MTUS2: variants seen among roughly 807,000 people sequenced by gnomAD.
MTUS2 encodes the protein microtubule associated scaffold protein 2.
Under a neutral mutation model 114.1 loss-of-function variants are expected in MTUS2, and 40 were observed. The observed-to-expected ratio is 0.35, with a 90% CI of 0.27 to 0.46. MTUS2 has a LOEUF of 0.46. Ranked by LOEUF, MTUS2 falls within the 20% of genes least tolerant of loss-of-function variation. MTUS2 has a pLI of 1.00. For synonymous variants in MTUS2, 688 were observed against 672.0 expected (o/e 1.02, Z -0.37); for missense variants, 1,679 against 1,705.4 (o/e 0.98, Z 0.27).
chr13:29,086,999 C>T (rs1343271130), intron 4 of MTUS2, among the ~76,000 whole-genome samples: 1 of 152,130 alleles, frequency 6.6e-6, no homozygotes, highest in Non-Finnish European at 1.5e-5. Context: ...TAGGAGCCTT[C>T]TGAAGGAGTC....
rs1336623578 is a variant in MTUS2, at chr13:29,365,121, G to A, written c.3117+5648G>A. On this transcript the variant is annotated intron_variant, in intron 8 of 15. Coordinates refer to ENST00000612955, the MANE Select transcript of MTUS2 (RefSeq NM_001033602.4). ...GTGCTTTGATAAAAGAACCATGAGC[G>A]TCTGTATGCTTTTACTCATAGGACT... Among the ~76,000 whole-genome samples the A allele has an allele frequency of 4.6e-5, 7 of 152,280 alleles. No homozygotes were observed. In the East Asian group the frequency reaches 1.4e-3, roughly 29 times the overall value.
At chr13:29,460,912 T>C (rs1282692092) in intron 9 of MTUS2, among the ~76,000 whole-genome samples, 2 of 151,380 alleles carry the variant, frequency 1.3e-5, no homozygotes, top group African/African-American at 4.9e-5. Context: ...AAAAAAAAAA[T>C]TGGCAAAAGC....
At position 29,217,827 on chromosome 13, in the gene MTUS2, A is replaced by G. The variant is rs556176410; in HGVS notation, c.2645-63877A>G. Among the ~76,000 whole-genome samples, 14 of 152,308 alleles carry G rather than the reference A, an allele frequency of 9.2e-5. 1 individual carries two copies. The East Asian group carries it at 9.6e-4, about 10-fold the overall frequency. Reference sequence around the variant, plus strand: ...TAAATTCTTTTTTGTCATTTCAACAATGTTCACAGGCCAGGTGTCCTGGCT... The same window carrying G: ...TAAATTCTTTTTTGTCATTTCAACAGTGTTCACAGGCCAGGTGTCCTGGCT... On this transcript the variant is annotated intron_variant, in intron 5 of 15. Coordinates refer to ENST00000612955, the MANE Select transcript of MTUS2 (RefSeq NM_001033602.4).
At chr13:29,327,534 A>C (rs1900576975) in intron 7 of MTUS2, among the ~76,000 whole-genome samples, 1 of 152,224 alleles carries the variant, frequency 6.6e-6, no homozygotes. Flanking sequence ...CTTTCAACAT[A>C]ATTTAGATTC....
intron 5 of MTUS2, among the ~76,000 whole-genome samples, chr13:29,253,718 T>C (rs1897203890): frequency 6.6e-6 from 1 of 152,076 alleles, no homozygotes; most frequent in South Asian, 2.1e-4. Flanking sequence ...GGATAATTTA[T>C]AAAGAAAAAG....
chr13:29,258,672 A>G (rs1897361218), intron 5 of MTUS2, among the ~76,000 whole-genome samples: 1 of 152,230 alleles, frequency 6.6e-6, no homozygotes, highest in Non-Finnish European at 1.5e-5. Context: ...CTGCTGCCTA[A>G]CTTACCAGAA....
At chr13:28,991,161 A>G (rs1239910963) in intron 2 of MTUS2, among the ~76,000 whole-genome samples, 1 of 152,210 alleles carries the variant, frequency 6.6e-6, no homozygotes, top group African/African-American at 2.4e-5. Flanking sequence ...TAGACTTTTA[A>G]GAATTTTTGC....
chr13:29,284,519 A>G (rs1236396395), intron 6 of MTUS2, among the ~76,000 whole-genome samples: 1 of 152,232 alleles, frequency 6.6e-6, no homozygotes, highest in African/African-American at 2.4e-5. Context: ...AATTACATAG[A>G]CATTTTACAC....
rs1176345677 is a variant in MTUS2, at chr13:29,338,926, G to T, written c.2905+14215G>T. On this transcript the variant is annotated intron_variant, in intron 7 of 15. Coordinates refer to ENST00000612955, the MANE Select transcript of MTUS2 (RefSeq NM_001033602.4). ...CAGTGTGGGCTCTGCAGGCTAAGGA[G>T]AGGCGGGGCTGAGGCTTGCAGAATG... Among the ~76,000 whole-genome samples, 3 of 152,168 alleles carry T rather than the reference G, an allele frequency of 2.0e-5. No homozygotes were observed. The East Asian group carries it at 5.8e-4, about 29-fold the overall frequency.
At chr13:29,361,043 G>T (rs1174425329) in intron 8 of MTUS2, among the ~76,000 whole-genome samples, 1 of 152,154 alleles carries the variant, frequency 6.6e-6, no homozygotes, top group Non-Finnish European at 1.5e-5. Context: ...CCCACTTTTG[G>T]GATCATGGCA....
intron 11 of MTUS2, among the ~76,000 whole-genome samples, chr13:29,492,130 GAT>G (rs1162473169): frequency 8.9e-6 from 1 of 112,044 alleles, no homozygotes; most frequent in Non-Finnish European, 1.8e-5. Flanking sequence ...GTGTGTATGT[GAT>G]GTGTGTGGTA....
intron 2 of MTUS2, among the ~76,000 whole-genome samples, chr13:28,995,013 T>TCTA (rs1885031545): frequency 6.6e-6 from 1 of 152,206 alleles, no homozygotes; most frequent in Non-Finnish European, 1.5e-5. Context: ...TAGGTTTTCT[T>TCTA]CTAGGGTTTT....
At chr13:28,895,708 A>G (rs966344655) in intron 2 of MTUS2, among the ~76,000 whole-genome samples, 2 of 152,254 alleles carry the variant, frequency 1.3e-5, no homozygotes, top group Non-Finnish European at 2.9e-5. Flanking sequence ...CACCAGTGCC[A>G]TGGAAACTGC....
chr13:29,335,320 A>C (rs1166953513), intron 7 of MTUS2, among the ~76,000 whole-genome samples: 1 of 152,192 alleles, frequency 6.6e-6, no homozygotes, highest in African/African-American at 2.4e-5. Flanking sequence ...CTGCCTAATA[A>C]ATTTTGGTCA....
intron 5 of MTUS2, among the ~76,000 whole-genome samples, chr13:29,103,435 A>G (rs1890510827): frequency 6.6e-6 from 1 of 152,260 alleles, no homozygotes; most frequent in South Asian, 2.1e-4. Flanking sequence ...ATGTAACAAT[A>G]TCTAAACATA....
At chr13:29,500,477 G>A (rs140660153) in intron 14 of MTUS2, among the ~76,000 whole-genome samples, 33 of 152,322 alleles carry the variant, frequency 2.2e-4, no homozygotes, top group East Asian at 3.9e-4. Context: ...ATCAATTGCC[G>A]GGGAGTAACA....
intron 5 of MTUS2, among the ~76,000 whole-genome samples, chr13:29,235,960 G>C (rs1168897790): frequency 2.6e-5 from 4 of 152,070 alleles, no homozygotes; most frequent in Non-Finnish European, 5.9e-5. Flanking sequence ...TTTCACTCAA[G>C]TTTTCTAATC....
In MTUS2 at chr13:29,364,215, A is replaced by G. The variant is rs139124794; in HGVS notation, c.3117+4742A>G. ...AAGCTGTTGCCATAAAAAAAATACT[A>G]TGTGCTCAAGTGGAAGCCTCATCCT... is the stretch of plus-strand genomic sequence containing the variant. On this transcript the variant is annotated intron_variant, in intron 8 of 15. Coordinates refer to ENST00000612955, the MANE Select transcript of MTUS2 (RefSeq NM_001033602.4). 5.4e-3 allele frequency among the ~76,000 whole-genome samples: 821 copies of G among 152,312 alleles called. 4 individuals are homozygous for G. The highest frequency in any genetic ancestry group is 0.014 in the African/African-American group (590 of 41,566).
intron 7 of MTUS2, among the ~76,000 whole-genome samples, chr13:29,335,375 T>C (rs1283069202): frequency 3.3e-5 from 5 of 152,212 alleles, no homozygotes; most frequent in Non-Finnish European, 5.9e-5. Flanking sequence ...TAAGATGTTA[T>C]CAGTGACAAT....
Sources: gnomAD v4.1 joint callset for allele counts (sites outside exome capture counted in the v4.1 genomes callset) on GRCh38, gnomAD v4.1.1 for gene constraint, MANE v1.5 for transcripts, NCBI Gene and HGNC (gene_info 2026-07-23, HGNC 2026-07-21) for gene names.